The following DIO2 variants were observed in gnomAD, a reference collection of about 807,000 sequenced individuals.
DIO2 encodes iodothyronine deiodinase 2, also known as type II iodothyronine deiodinase.
A neutral mutation model predicts 21.4 loss-of-function variants in DIO2; 19 were observed. That is an observed-to-expected ratio of 0.89 (90% CI 0.62 to 1.30). The LOEUF is 1.30. DIO2 is among the 50% of genes most tolerant of loss of function. The pLI is 0.00. For missense variants in DIO2, 302 were observed against 338.1 expected, an observed-to-expected ratio of 0.89 and a Z score of 0.84; for synonymous variants, 122 against 132.9, an observed-to-expected ratio of 0.92 and a Z score of 0.57.
intron 2 of DIO2, among the ~76,000 whole-genome samples, chr14:80,223,903 T>C (rs573082264): frequency 1.3e-5 from 2 of 152,330 alleles, no homozygotes; most frequent in East Asian, 3.9e-4. Context: ...CCAACCTTGA[T>C]TAAATGTATC....
At chr14:80,215,363 C>A (rs1888326806), upstream of DIO2, among the ~76,000 whole-genome samples, 1 of 152,144 alleles carries the variant, frequency 6.6e-6, no homozygotes, top group Non-Finnish European at 1.5e-5. Context: ...AGTCACAAGA[C>A]TTTCTTTAGT....
Position 80,200,219 on chromosome 14 carries a change from T to C in DIO2, c.*2470A>G, listed in dbSNP as rs975498982. 2 of 152,688 alleles carry C rather than the reference T, an allele frequency of 1.3e-5. No homozygotes were observed. Among genetic ancestry groups the C allele is most frequent in the African/African-American group, 4.8e-5 (2 of 41,462 alleles). 9.5% of individuals were successfully genotyped at this position (152,688 alleles called of 1,614,324 possible). On this transcript the variant is annotated 3_prime_UTR_variant, in exon 2 of 2. Transcript: ENST00000438257. The stretch of plus-strand genomic sequence containing the variant: ...TCCACAGCCTTTCTTCCAGAAATTC[T>C]TGCATGTTCTATTGAACATCTTCCT...
intron 2 of DIO2, among the ~76,000 whole-genome samples, chr14:80,221,624 C>A (rs1888467053): frequency 6.6e-6 from 1 of 152,078 alleles, no homozygotes. Context: ...AAATTGCCAT[C>A]CAGGTCATAA....
intron 2 of DIO2, among the ~76,000 whole-genome samples, chr14:80,218,015 G>A (rs1333091560): frequency 6.6e-6 from 1 of 152,106 alleles, no homozygotes; most frequent in Non-Finnish European, 1.5e-5. Flanking sequence ...CCTGCAAAAT[G>A]GAGGTTAAAA....
rs749389382 is a variant in DIO2 at position 80,211,328 on chromosome 14, C to T, written c.145G>A (p.Gly49Arg). ...GAGGTCAGCATGCGCCGCCACTCTC[C>T]GCGAGTGGACTTGGAGCGGCTCAAC... is the stretch of plus-strand genomic sequence containing the variant. Reference protein sequence around the residue: ...LLLSRSKSTRGEWRRMLTSEG... With the variant: ...LLLSRSKSTRREWRRMLTSEG... The change falls in exon 1 of 2, where the codon GGA becomes AGA. Residue 49 changes from glycine (G) to arginine (R), a missense_variant. Transcript: ENST00000438257. 6.2e-7 allele frequency: 1 copy of T among 1,613,698 alleles called. No homozygotes were observed. Among genetic ancestry groups the T allele is most frequent in the Non-Finnish European group, 8.5e-7 (1 of 1,179,866 alleles).
In DIO2 at chr14:80,197,991, A is replaced by G; in HGVS notation, c.*4698T>C. 6.5e-6 allele frequency: 1 copy of G among 152,768 alleles called. No homozygotes were observed. Among genetic ancestry groups the G allele is most frequent in the Non-Finnish European group, 1.5e-5 (1 of 68,022 alleles). The allele number at this position is 152,768 out of a possible 1,614,324, so 9.5% of individuals were successfully genotyped here. On this transcript the variant is annotated 3_prime_UTR_variant, in exon 2 of 2. Coordinates refer to ENST00000438257, the MANE Select transcript of DIO2 (RefSeq NM_013989.5). ...AATTGCTTTGGTTATAAAGTACTGG[A>G]TACTTATTTCTTCACATCCCCCAAT...
At chr14:80,206,908 G>A (rs1273897856) in intron 1 of DIO2, among the ~76,000 whole-genome samples, 2 of 152,174 alleles carry the variant, frequency 1.3e-5, no homozygotes, top group African/African-American at 2.4e-5. Flanking sequence ...CCGCTCTAAA[G>A]AGAACCCTGC....
At chr14:80,206,969 T>C (rs1887979798) in intron 1 of DIO2, among the ~76,000 whole-genome samples, 1 of 152,158 alleles carries the variant, frequency 6.6e-6, no homozygotes, top group African/African-American at 2.4e-5. Flanking sequence ...TAATTGGTCT[T>C]GAAGTTCCGA....
upstream of DIO2, among the ~76,000 whole-genome samples, chr14:80,213,382 G>A (rs557504950): frequency 2.4e-4 from 37 of 152,284 alleles, no homozygotes; most frequent in African/African-American, 6.3e-4. Flanking sequence ...TGTGGTTAGC[G>A]TATTGCGTAT....
In DIO2 at chr14:80,198,397, C is replaced by T. The variant is rs1887567217; in HGVS notation, c.*4292G>A. On this transcript the variant is annotated 3_prime_UTR_variant, in exon 2 of 2. Transcript: ENST00000438257. The stretch of plus-strand genomic sequence containing the variant: ...CTGAGACCTTGCTTCTGGTACTATA[C>T]ACATAGGGCATTAGGAAGTGGCCCA... The T allele has an allele frequency of 6.6e-6, 1 of 152,636 alleles. No individual in the cohort carries two copies. The highest frequency in any genetic ancestry group is 6.5e-5 in the Admixed American group (1 of 15,280). The allele number at this position is 152,636 out of a possible 1,614,324, so 9.5% of individuals were successfully genotyped here.
rs930906841 is a variant in DIO2 at position 80,201,060 on chromosome 14, C to A, written c.*1629G>T. ...TATTTACCAAAAAGAAATTATGATA[C>A]GAAAGTGGTTGGTCCATTCTTTTGG... On this transcript the variant is annotated 3_prime_UTR_variant, in exon 2 of 2. Transcript: ENST00000438257. 1 of 151,582 alleles carries A rather than the reference C, an allele frequency of 6.6e-6. No individual in the cohort carries two copies. The highest frequency in any genetic ancestry group is 1.9e-4 in the East Asian group (1 of 5,162). 9.4% of individuals were successfully genotyped at this position (151,582 alleles called of 1,614,324 possible).
In DIO2 at chr14:80,203,290, T is replaced by G; in HGVS notation, c.223-2A>C. 2 of 1,451,676 alleles carry G rather than the reference T, an allele frequency of 1.4e-6. No individual in the cohort carries two copies. Among genetic ancestry groups the G allele is most frequent in the Non-Finnish European group, 9.0e-7 (1 of 1,109,594 alleles). The allele number at this position is 1,451,676 out of a possible 1,614,324, so 89.9% of individuals were successfully genotyped here. ...GGGGGCATCCTCACCCAATTTCACC[T>G]GACGGTAAAAAAAAAAAAAAAGAAG... On this transcript the variant is annotated splice_acceptor_variant, in intron 1 of 1. Coordinates refer to ENST00000438257, the MANE Select transcript of DIO2 (RefSeq NM_013989.5). LOFTEE classifies it high-confidence loss of function.
rs184416 is a variant in DIO2, at chr14:80,198,662, C to T, written c.*4027G>A. Reference sequence around the variant, plus strand: ...CAGAGATTGGTACTTAAGCCCCATTCTGGAAGCATATATGAAGAGTGGGTT... The same window carrying T: ...CAGAGATTGGTACTTAAGCCCCATTTTGGAAGCATATATGAAGAGTGGGTT... On this transcript the variant is annotated 3_prime_UTR_variant, in exon 2 of 2. Coordinates refer to ENST00000438257, the MANE Select transcript of DIO2 (RefSeq NM_013989.5). The T allele has an allele frequency of 2.7e-5, 4 of 150,302 alleles. No homozygotes were observed. The East Asian group carries it at 5.9e-4, about 22-fold the overall frequency. 9.3% of individuals were successfully genotyped at this position (150,302 alleles called of 1,614,324 possible).
In DIO2 at chr14:80,211,294, A is replaced by G; in HGVS notation, c.179T>C (p.Leu60Pro). 6.2e-7 allele frequency: 1 copy of G among 1,613,280 alleles called. No homozygotes were observed. Among genetic ancestry groups the G allele is most frequent in the Non-Finnish European group, 8.5e-7 (1 of 1,179,860 alleles). The stretch of plus-strand genomic sequence containing the variant: ...GAGGAAGCTCTTCCAGACGCAGCGC[A>G]GTCCCTCTGAGGTCAGCATGCGCCG... Reference protein sequence around the residue: ...EWRRMLTSEGLRCVWKSFLLD... With the variant: ...EWRRMLTSEGPRCVWKSFLLD... The change falls in exon 1 of 2, where the codon CTG (leucine) becomes CCG (proline). Residue 60 changes from leucine (L) to proline (P), a missense_variant. By Grantham distance (98) the Leu-to-Pro change is moderately conservative. Transcript: ENST00000438257.
intron 2 of DIO2, among the ~76,000 whole-genome samples, chr14:80,224,533 A>G (rs1423589792): frequency 2.0e-5 from 3 of 149,352 alleles, no homozygotes; most frequent in African/African-American, 7.5e-5. Context: ...ACACACACAC[A>G]CAAGACAACA....
intron 2 of DIO2, among the ~76,000 whole-genome samples, chr14:80,224,005 A>C (rs1320972200): frequency 2.0e-5 from 3 of 152,228 alleles, no homozygotes; most frequent in Non-Finnish European, 1.5e-5. Context: ...CTTTTATAAG[A>C]ATGATAATAT....
At chr14:80,221,296 A>G (rs992531020) in intron 2 of DIO2, among the ~76,000 whole-genome samples, 2 of 152,172 alleles carry the variant, frequency 1.3e-5, no homozygotes, top group African/African-American at 4.8e-5. Context: ...CTCTTTGACA[A>G]TCATCTGTCA....
chr14:80,230,679 G>A (rs1316117673), intron 2 of DIO2, among the ~76,000 whole-genome samples: 1 of 152,108 alleles, frequency 6.6e-6, no homozygotes, highest in African/African-American at 2.4e-5. Context: ...CATGTCAAGA[G>A]CTATCACTGT....
intron 1 of DIO2, among the ~76,000 whole-genome samples, chr14:80,206,582 G>A (rs144177237): frequency 3.0e-3 from 460 of 152,180 alleles, no homozygotes; most frequent in Middle Eastern, 6.8e-3. Context: ...CTCTCCCCAC[G>A]AGCAAAGCAT....
Sources: gnomAD v4.1 joint callset for allele counts (sites outside exome capture counted in the v4.1 genomes callset) on GRCh38, gnomAD v4.1.1 for gene constraint, MANE v1.5 for transcripts, NCBI Gene and HGNC (gene_info 2026-07-23, HGNC 2026-07-21) for gene names.